FLI1: variants seen among roughly 807,000 people sequenced by gnomAD.
FLI1 encodes Friend leukemia integration 1 transcription factor.
In FLI1, 13 loss-of-function variants were observed where a neutral mutation model predicts 53.1. The ratio of observed to expected loss-of-function variants is 0.24; its 90% CI spans 0.16 to 0.39. The LOEUF (loss-of-function observed/expected upper bound fraction) is 0.39. FLI1 is among the 10% of genes least tolerant of loss of function. FLI1 has a pLI of 1.00. For missense variants in FLI1, 424 were observed against 600.5 expected (o/e 0.71, Z 3.07); for synonymous variants, 244 against 236.7 (o/e 1.03, Z -0.28).
At chr11:128,697,133 A>C (rs1938114812) in intron 1 of FLI1, among the ~76,000 whole-genome samples, 1 of 152,170 alleles carries the variant, frequency 6.6e-6, no homozygotes, top group Admixed American at 6.5e-5. Context: ...CCTGCTTCCC[A>C]CACTGATATT....
intron 1 of FLI1, among the ~76,000 whole-genome samples, chr11:128,707,902 T>C (rs530626982): frequency 6.6e-6 from 1 of 152,380 alleles, no homozygotes; most frequent in African/African-American, 2.4e-5. Context: ...GTAAGAGCTC[T>C]TTGATGATTC....
At chr11:128,728,052 C>G (rs557671019) in intron 1 of FLI1, among the ~76,000 whole-genome samples, 3 of 152,360 alleles carry the variant, frequency 2.0e-5, no homozygotes, top group African/African-American at 7.2e-5. Flanking sequence ...TGAAACAAAA[C>G]AAAACACAAA....
At chr11:128,720,889 G>A (rs991494437) in intron 1 of FLI1, among the ~76,000 whole-genome samples, 3 of 152,178 alleles carry the variant, frequency 2.0e-5, no homozygotes, top group Non-Finnish European at 4.4e-5. Context: ...GCGGAGGTGG[G>A]GAAGGTGCTT....
intron 4 of FLI1, among the ~76,000 whole-genome samples, chr11:128,774,116 C>T (rs1399781482): frequency 1.3e-5 from 2 of 152,108 alleles, no homozygotes; most frequent in Non-Finnish European, 1.5e-5. Flanking sequence ...CCTTTAACTC[C>T]CCATCTTTGG....
At chr11:128,745,996 T>A (rs886454358) in intron 1 of FLI1, among the ~76,000 whole-genome samples, 13 of 152,224 alleles carry the variant, frequency 8.5e-5, no homozygotes, top group African/African-American at 3.1e-4. Context: ...AGTGGCTTCA[T>A]GTTTAAATTT....
chr11:128,777,991 C>G (rs1042165289), intron 4 of FLI1, among the ~76,000 whole-genome samples: 1 of 152,242 alleles, frequency 6.6e-6, no homozygotes, highest in Non-Finnish European at 1.5e-5. Context: ...CTGTCTCTAG[C>G]AGCACATGGA....
At chr11:128,696,418 A>G (rs761978875) in intron 1 of FLI1, among the ~76,000 whole-genome samples, 4 of 152,164 alleles carry the variant, frequency 2.6e-5, no homozygotes, top group Admixed American at 2.6e-4. Flanking sequence ...ACAATAGTTC[A>G]AATACTGTGC....
At chr11:128,730,764 G>A (rs1369060026) in intron 1 of FLI1, among the ~76,000 whole-genome samples, 1 of 152,210 alleles carries the variant, frequency 6.6e-6, no homozygotes, top group Non-Finnish European at 1.5e-5. Flanking sequence ...ACTAATTAAT[G>A]ATTTTCAAGG....
rs554175921 is a variant in FLI1, at chr11:128,752,205, G to A, written c.19-5910G>A. 2.0e-5 allele frequency among the ~76,000 whole-genome samples: 3 copies of A among 152,020 alleles called. No homozygotes were observed. In the South Asian group the frequency reaches 6.2e-4, roughly 32 times the overall value. On this transcript the variant is annotated intron_variant, in intron 1 of 8. Transcript: ENST00000527786. The stretch of plus-strand genomic sequence containing the variant: ...TGGCCAGGCTGTTCTCAACCTCCTG[G>A]CCTCAGATGATCTTCCCGCCTCAGC...
At chr11:128,797,882 G>C (rs1472059799) in intron 5 of FLI1, among the ~76,000 whole-genome samples, 2 of 152,128 alleles carry the variant, frequency 1.3e-5, no homozygotes, top group African/African-American at 4.8e-5. Flanking sequence ...GGCTAAGCAG[G>C]ACACGGGCAG....
At chr11:128,692,180 A>G (rs946674478), upstream of FLI1, 4 of 152,060 alleles carry the variant, frequency 2.6e-5, no homozygotes, top group African/African-American at 9.7e-5. Flanking sequence ...TTTCCCGTTA[A>G]CCTCTTTCCT....
chr11:128,736,706 T>C (rs921543525), intron 1 of FLI1, among the ~76,000 whole-genome samples: 7 of 152,256 alleles, frequency 4.6e-5, no homozygotes, highest in Non-Finnish European at 8.8e-5. Context: ...CAGAAAATTT[T>C]GTTCAGATTC....
At chr11:128,779,069 A>C (rs1941831706) in intron 4 of FLI1, among the ~76,000 whole-genome samples, 1 of 152,246 alleles carries the variant, frequency 6.6e-6, no homozygotes, top group Admixed American at 6.5e-5. Flanking sequence ...GCCATGAAAT[A>C]TACATTTCAT....
At chr11:128,758,488 G>A (rs2135810971) in intron 2 of FLI1, among the ~76,000 whole-genome samples, 162 bp downstream of exon 2, 1 of 152,320 alleles carries the variant, frequency 6.6e-6, no homozygotes, top group Middle Eastern at 3.4e-3. Flanking sequence ...GAGGGCCACA[G>A]ACTGATGATG....
At chr11:128,779,946 G>A (rs1022699943) in intron 4 of FLI1, among the ~76,000 whole-genome samples, 1 of 152,192 alleles carries the variant, frequency 6.6e-6, no homozygotes, top group African/African-American at 2.4e-5. Context: ...ACTGAATATA[G>A]TAGACAACCG....
chr11:128,713,292 A>C (rs74944761), intron 1 of FLI1, among the ~76,000 whole-genome samples: 258 of 152,372 alleles, frequency 1.7e-3, no homozygotes, highest in Middle Eastern at 6.8e-3. Context: ...TGTAGAATTT[A>C]TCAATAGTTT....
intron 4 of FLI1, among the ~76,000 whole-genome samples, chr11:128,778,894 G>A (rs1222503070): frequency 6.6e-6 from 1 of 152,184 alleles, no homozygotes; most frequent in Non-Finnish European, 1.5e-5. Flanking sequence ...AACAGAGCCT[G>A]GGGAACTAAT....
intron 2 of FLI1, among the ~76,000 whole-genome samples, chr11:128,759,602 G>C (rs1449484669): frequency 1.3e-5 from 2 of 152,312 alleles, no homozygotes; most frequent in Admixed American, 6.5e-5. Flanking sequence ...TGAATGAAGG[G>C]GGTGCATGAC....
At chr11:128,701,289 T>C (rs995169986) in intron 1 of FLI1, among the ~76,000 whole-genome samples, 1 of 152,058 alleles carries the variant, frequency 6.6e-6, no homozygotes, top group Non-Finnish European at 1.5e-5. Flanking sequence ...TAGTTCCTTT[T>C]GAGAATGAGT....
Sources: allele counts gnomAD v4.1 joint callset (sites outside exome capture counted in the v4.1 genomes callset), GRCh38; gene constraint gnomAD v4.1.1; transcripts MANE v1.5; gene names NCBI Gene and HGNC (gene_info 2026-07-23, HGNC 2026-07-21).